The following DUSP8 variants were observed in gnomAD, a reference collection of about 807,000 sequenced individuals.
DUSP8 encodes the protein dual specificity protein phosphatase 8.
DUSP8 carries 15 observed loss-of-function variants against 38.7 expected under a neutral mutation model. The observed-to-expected ratio is 0.39, with a 90% CI of 0.26 to 0.60. DUSP8 has a LOEUF of 0.60. Ranked by LOEUF, DUSP8 falls within the 20% of genes least tolerant of loss-of-function variation. The pLI is 0.56. For missense variants in DUSP8, 768 were observed against 915.0 expected (o/e 0.84, Z 2.07); for synonymous variants, 458 against 433.9 (o/e 1.06, Z -0.69).
chr11:1,557,295 G>C lies in DUSP8; in HGVS notation c.1101C>G (p.Thr367=), dbSNP rs748963371. 2.4e-5 allele frequency: 36 copies of C among 1,471,574 alleles called. No homozygotes were observed. The South Asian group carries it at 4.2e-4, about 17-fold the overall frequency. The allele number at this position is 1,471,574 out of a possible 1,614,324, so 91.2% of individuals were successfully genotyped here. A position where few individuals can be genotyped will look rare whatever the true frequency, so the allele number is the denominator to read the frequency against. Reference sequence around the variant, plus strand: ...CGCGCAGGCCCTGCTGCAGTGCGCTGGTCGCCGGGGGCGTGGGGGGCGCGG... The same window carrying C: ...CGCGCAGGCCCTGCTGCAGTGCGCTCGTCGCCGGGGGCGTGGGGGGCGCGG... ...EPPAPPTPPA[T]SALQQGLRGL... The change falls in exon 7 of 7, where the codon ACC becomes ACG. Residue 367 remains threonine (T), a synonymous_variant. Coordinates refer to ENST00000397374, the MANE Select transcript of DUSP8 (RefSeq NM_004420.3). This position sits in a 1 kb window ranked among gnomAD's most constrained non-coding sequence, Gnocchi z 9.9.
intron 1 of DUSP8, among the ~76,000 whole-genome samples, chr11:1,567,007 C>CA (rs1848814859): frequency 6.6e-6 from 1 of 152,148 alleles, no homozygotes; most frequent in East Asian, 1.9e-4. Context: ...CTAGGAGGCG[C>CA]ATAGTGTTAA....
chr11:1,558,102 G>T lies in DUSP8; in HGVS notation c.697+10C>A. On this transcript the variant is annotated intron_variant, in intron 5 of 6. Coordinates refer to ENST00000397374, the MANE Select transcript of DUSP8 (RefSeq NM_004420.3). This position sits in a 1 kb window ranked among gnomAD's most constrained non-coding sequence, Gnocchi z 6.3. ...GCCAGGTCCCTGCCCTCCGCCCACC[G>T]CAGACTCACCGATGAACTCGATGGA... The T allele has an allele frequency of 6.2e-7, 1 of 1,611,858 alleles. No homozygotes were observed.
In DUSP8 at chr11:1,554,726, G is replaced by A; in HGVS notation, c.*1792C>T. The A allele has an allele frequency of 1.7e-6, 1 of 578,064 alleles. No homozygotes were observed. Among genetic ancestry groups the A allele is most frequent in the Non-Finnish European group, 2.2e-6 (1 of 455,664 alleles). The allele number at this position is 578,064 out of a possible 1,614,324, so 35.8% of individuals were successfully genotyped here. A position where few individuals can be genotyped will look rare whatever the true frequency, so the allele number is the denominator to read the frequency against. ...GGGGGGCGAGAAGCGGGAAGCCAGT[G>A]CATCCTCCTCACCCAGGGTCTCCTC... is the stretch of plus-strand genomic sequence containing the variant. On this transcript the variant is annotated 3_prime_UTR_variant, in exon 7 of 7. Coordinates refer to ENST00000397374, the MANE Select transcript of DUSP8 (RefSeq NM_004420.3).
Position 1,555,003 on chromosome 11 carries a change from G to GC in DUSP8, c.*1514dup. The stretch of plus-strand genomic sequence containing the variant: ...GAAGAAACAGCAGAGAGGGCGGCTG[G>GC]CTGGGGCGGGATGGGCGCCTCCCTG... On this transcript the variant is annotated 3_prime_UTR_variant, in exon 7 of 7. Transcript: ENST00000397374. 1.0e-6 allele frequency: 1 copy of GC among 986,380 alleles called. No homozygotes were observed. The highest frequency in any genetic ancestry group is 1.2e-6 in the Non-Finnish European group (1 of 830,236). 61.1% of individuals were successfully genotyped at this position (986,380 alleles called of 1,614,324 possible).
intron 1 of DUSP8, among the ~76,000 whole-genome samples, chr11:1,566,839 G>T (rs530171027): frequency 6.9e-4 from 105 of 152,256 alleles, no homozygotes; most frequent in African/African-American, 2.3e-3. Context: ...TCAGACTGCC[G>T]GGTGGGCAGG....
chr11:1,567,272 G>A (rs1295693451), intron 1 of DUSP8, among the ~76,000 whole-genome samples: 4 of 152,194 alleles, frequency 2.6e-5, no homozygotes, highest in African/African-American at 9.7e-5. Context: ...CCCTCAGCAA[G>A]CCAGACCCCC....
At position 1,556,947 on chromosome 11, in the gene DUSP8, A is replaced by T; in HGVS notation, c.1449T>A (p.Thr483=). ...ACAGGGCCGAGAGGCCGTGCCGCGG[A>T]GTCTGCCGGGCCGCATCGCCGAAGT... ...GLNFGDAARQ[T]PRHGLSALSA... The change falls in exon 7 of 7, where the codon ACT becomes ACA. Residue 483 remains threonine (T), a synonymous_variant. Transcript: ENST00000397374. This position sits in a 1 kb window ranked among gnomAD's most constrained non-coding sequence, Gnocchi z 5.2. 9.3e-7 allele frequency: 1 copy of T among 1,072,216 alleles called. No homozygotes were observed. 66.4% of individuals were successfully genotyped at this position (1,072,216 alleles called of 1,614,324 possible).
chr11:1,560,939 T>C (rs1299331196), intron 3 of DUSP8, among the ~76,000 whole-genome samples: 2 of 152,108 alleles, frequency 1.3e-5, no homozygotes, highest in Non-Finnish European at 2.9e-5. Flanking sequence ...CAGGAAAGTC[T>C]CTGGACAGGT....
At position 1,568,772 on chromosome 11, in the gene DUSP8, C is replaced by T. The variant is rs1249331529; in HGVS notation, c.-108-2838G>A. Among the ~76,000 whole-genome samples the T allele has an allele frequency of 3.9e-5, 6 of 152,232 alleles. No homozygotes were observed. The South Asian group carries it at 8.3e-4, about 21-fold the overall frequency. Reference sequence around the variant, plus strand: ...TCCCTGCAGCTCGCCGGCTCCCCGCCCCCTCAGAGGCCTTCTCTGTACTGC... The same window carrying T: ...TCCCTGCAGCTCGCCGGCTCCCCGCTCCCTCAGAGGCCTTCTCTGTACTGC... On this transcript the variant is annotated intron_variant, in intron 1 of 6. Coordinates refer to ENST00000397374, the MANE Select transcript of DUSP8 (RefSeq NM_004420.3).
In DUSP8 at chr11:1,555,113, C is replaced by T. The variant is rs1164608346; in HGVS notation, c.*1405G>A. The stretch of plus-strand genomic sequence containing the variant: ...TGGCCTCTTCCCACAGTGACTGGCC[C>T]CACTCCTAGACCCTAGGACATCTGA... On this transcript the variant is annotated 3_prime_UTR_variant, in exon 7 of 7. Transcript: ENST00000397374. The T allele has an allele frequency of 2.6e-5, 26 of 987,566 alleles. No homozygotes were observed. The highest frequency in any genetic ancestry group is 3.0e-5 in the Non-Finnish European group (25 of 830,264). 61.2% of individuals were successfully genotyped at this position (987,566 alleles called of 1,614,324 possible). A position where few individuals can be genotyped will look rare whatever the true frequency, so the allele number is the denominator to read the frequency against.
chr11:1,559,872 G>GTGAA (rs1216610664), intron 3 of DUSP8, among the ~76,000 whole-genome samples: 18 of 152,202 alleles, frequency 1.2e-4, no homozygotes, highest in African/African-American at 4.1e-4. Flanking sequence ...GGACCCGAAC[G>GTGAA]TGAATCCCTG....
intron 3 of DUSP8, among the ~76,000 whole-genome samples, chr11:1,561,937 G>A (rs188240556): frequency 1.1e-4 from 17 of 152,328 alleles, no homozygotes; most frequent in African/African-American, 1.9e-4. Flanking sequence ...CCTGGGTGTC[G>A]CCATGAGCCC....
intron 3 of DUSP8, among the ~76,000 whole-genome samples, chr11:1,560,168 G>A (rs879721629): frequency 6.6e-6 from 1 of 152,130 alleles, no homozygotes; most frequent in Non-Finnish European, 1.5e-5. Context: ...ATGGCAAGCC[G>A]GCTCCTGCTT....
At position 1,559,031 on chromosome 11, in the gene DUSP8, CAGG is replaced by C; in HGVS notation, c.392_394del (p.Ser131del). ...CTTGCCCTCGCAGAGGCCGGGGAAG[CAGG>C]AGGAGAAGGTGGCGAAGCCCCCTGT... On this transcript the variant is annotated inframe_deletion, in exon 4 of 7. Coordinates refer to ENST00000397374, the MANE Select transcript of DUSP8 (RefSeq NM_004420.3). 1 of 1,610,382 alleles carries C rather than the reference CAGG, an allele frequency of 6.2e-7. No homozygotes were observed. Among genetic ancestry groups the C allele is most frequent in the Non-Finnish European group, 8.5e-7 (1 of 1,179,430 alleles).
At chr11:1,559,600 G>C (rs1325602411) in intron 3 of DUSP8, among the ~76,000 whole-genome samples, 1 of 152,222 alleles carries the variant, frequency 6.6e-6, no homozygotes, top group Non-Finnish European at 1.5e-5. Context: ...CAGGAGGCCA[G>C]GGCTTCCGAG....
intron 3 of DUSP8, among the ~76,000 whole-genome samples, chr11:1,562,550 C>T (rs548215287): frequency 3.9e-5 from 6 of 152,294 alleles, no homozygotes; most frequent in South Asian, 2.1e-4. Flanking sequence ...CAAGCACAGG[C>T]GGGTACATAC....
chr11:1,557,445 C>T lies in DUSP8; in HGVS notation c.951G>A (p.Pro317=), dbSNP rs528607630. The change falls in exon 7 of 7, where the codon CCG becomes CCA. Residue 317 remains proline, a synonymous_variant. Coordinates refer to ENST00000397374, the MANE Select transcript of DUSP8 (RefSeq NM_004420.3). This position sits in a 1 kb window ranked among gnomAD's most constrained non-coding sequence, Gnocchi z 9.9. The stretch of plus-strand genomic sequence containing the variant: ...CGGCGGCAGGACTGGGCGGAGGCTC[C>T]GGCGTCCCTGAGGGGGTGCCCGGGT... ...QGDPGTPSGT[P]EPPPSPAAGA... is the part of the protein sequence containing the mutation. The T allele has an allele frequency of 6.7e-5, 104 of 1,562,438 alleles. No homozygotes were observed. The highest frequency in any genetic ancestry group is 5.9e-4 in the African/African-American group (43 of 72,620).
chr11:1,568,428 T>C (rs1055091196), intron 1 of DUSP8, among the ~76,000 whole-genome samples: 1 of 152,148 alleles, frequency 6.6e-6, no homozygotes, highest in African/African-American at 2.4e-5. Context: ...CTCTGCCTCC[T>C]AAGCAACGCT....
In DUSP8 at chr11:1,557,351, C is replaced by T. The variant is rs1848651246; in HGVS notation, c.1045G>A (p.Glu349Lys). 1.2e-5 allele frequency: 19 copies of T among 1,552,808 alleles called. No homozygotes were observed. Among genetic ancestry groups the T allele is most frequent in the Non-Finnish European group, 1.6e-5 (19 of 1,162,112 alleles). ...TCCCCGCCCGCGCTCAGGCCGCCCTCCCTGGCAGCCGCATTCCCTGTGGCA... is the reference window on the plus strand; with the variant it reads ...TCCCCGCCCGCGCTCAGGCCGCCCTTCCTGGCAGCCGCATTCCCTGTGGCA... Reference protein sequence around the residue: ...SAATGNAAAREGGLSAGGEPP... With the variant: ...SAATGNAAARKGGLSAGGEPP... Residue 349 changes from glutamate (E) to lysine (K), a missense_variant, in exon 7 of 7, where the codon GAG (glutamate) becomes AAG (lysine). Glu to Lys is a moderately conservative substitution (Grantham distance 56). Coordinates refer to ENST00000397374, the MANE Select transcript of DUSP8 (RefSeq NM_004420.3). The surrounding 1 kb of genome is among the most constrained non-coding windows in gnomAD (Gnocchi z 9.9).
Sources: allele counts gnomAD v4.1 joint callset (sites outside exome capture counted in the v4.1 genomes callset), GRCh38; gene constraint gnomAD v4.1.1; non-coding constraint Gnocchi (gnomAD v3.1); transcripts MANE v1.5; gene names NCBI Gene and HGNC (gene_info 2026-07-23, HGNC 2026-07-21).